MYO3A: variants seen among roughly 807,000 people sequenced by gnomAD.
The protein encoded by MYO3A is myosin IIIA.
MYO3A carries 180 observed loss-of-function variants against 192.7 expected under a neutral mutation model. The observed-to-expected ratio is 0.93, with a 90% CI of 0.83 to 1.06. MYO3A has a LOEUF of 1.06. Among genes scored for constraint, MYO3A ranks in the 50% least tolerant of loss-of-function variants. The pLI, the probability that MYO3A is intolerant of heterozygous loss-of-function variation, is 0.00. For missense variants in MYO3A, 1,896 were observed against 1,905.0 expected, an observed-to-expected ratio of 1.00 and a Z score of 0.09; for synonymous variants, 628 against 645.3, an observed-to-expected ratio of 0.97 and a Z score of 0.41.
intron 10 of MYO3A, among the ~76,000 whole-genome samples, chr10:26,049,517 A>G (rs1394040008): frequency 6.6e-6 from 1 of 152,160 alleles, no homozygotes; most frequent in East Asian, 1.9e-4. Context: ...GATGATACAT[A>G]TGAGAGGGGA....
At chr10:26,078,130 C>CTTTTTTTTTTTTTTTT (rs57336459) in intron 14 of MYO3A, among the ~76,000 whole-genome samples, 32 of 122,274 alleles carry the variant, frequency 2.6e-4, no homozygotes, top group Non-Finnish European at 4.2e-4. Context: ...TGGTCCTGGA[C>CTTTTTTTTTTTTTTTT]TTTTTTTTTT....
intron 4 of MYO3A, among the ~76,000 whole-genome samples, chr10:25,982,440 C>T (rs1421366801): frequency 6.6e-6 from 1 of 152,178 alleles, no homozygotes; most frequent in Non-Finnish European, 1.5e-5. Flanking sequence ...CTCTATAGGA[C>T]TGCAGCTGAT....
intron 30 of MYO3A, among the ~76,000 whole-genome samples, chr10:26,176,293 C>CAA (rs901523063): frequency 2.2e-4 from 21 of 93,412 alleles, no homozygotes; most frequent in African/African-American, 5.2e-4. Context: ...GACTCCGTCT[C>CAA]AAAAAAAAAA....
At chr10:26,178,735 C>G (rs1395012692) in intron 31 of MYO3A, among the ~76,000 whole-genome samples, 1 of 152,082 alleles carries the variant, frequency 6.6e-6, no homozygotes, top group East Asian at 1.9e-4. Flanking sequence ...ATTATATTAA[C>G]TGAACACTTC....
intron 9 of MYO3A, 92 bp downstream of exon 9, chr10:26,024,179 C>T (rs1842440090): frequency 8.3e-7 from 1 of 1,207,254 alleles, no homozygotes; most frequent in Non-Finnish European, 1.2e-6. Flanking sequence ...TAAACAGCCC[C>T]AGAGATTTCT....
intron 7 of MYO3A, 76 bp from the exon 8 acceptor site, chr10:26,021,427 G>A (rs1242904117): frequency 2.0e-6 from 3 of 1,519,672 alleles, no homozygotes; most frequent in Non-Finnish European, 1.8e-6. Flanking sequence ...AATACTTAAT[G>A]CTTTGTTCTA....
intron 17 of MYO3A, among the ~76,000 whole-genome samples, chr10:26,114,255 G>A (rs1478782428): frequency 1.3e-5 from 2 of 152,132 alleles, no homozygotes; most frequent in African/African-American, 4.8e-5. Flanking sequence ...TCTGGTCATT[G>A]TTCTCTCTCC....
Position 26,068,758 on chromosome 10 carries a change from T to C in MYO3A, c.1054-10T>C. On this transcript the variant is annotated splice_polypyrimidine_tract_variant and intron_variant, in intron 11 of 34. Transcript: ENST00000642920. ...TTTTAAGAAGGAGAAATTATTTTAT[T>C]TTATTGCAGAATACAGTCTCAGAGC... 5.3e-6 allele frequency: 8 copies of C among 1,498,530 alleles called. No individual in the cohort carries two copies. Among genetic ancestry groups the C allele is most frequent in the Non-Finnish European group, 7.4e-6 (8 of 1,077,154 alleles). 92.8% of individuals were successfully genotyped at this position (1,498,530 alleles called of 1,614,324 possible). A position where few individuals can be genotyped will look rare whatever the true frequency, so the allele number is the denominator to read the frequency against.
intron 10 of MYO3A, among the ~76,000 whole-genome samples, chr10:26,056,642 G>A (rs1033619064): frequency 2.0e-5 from 3 of 152,040 alleles, no homozygotes; most frequent in Admixed American, 6.6e-5. Flanking sequence ...TCAGGGGATG[G>A]CATTATTACT....
Position 26,167,880 on chromosome 10 carries a change from G to A in MYO3A, c.3112-832G>A, listed in dbSNP as rs180812321. 9.2e-5 allele frequency among the ~76,000 whole-genome samples: 14 copies of A among 152,300 alleles called. No homozygotes were observed. The East Asian group carries it at 2.5e-3, about 27-fold the overall frequency. On this transcript the variant is annotated intron_variant, in intron 27 of 34. Transcript: ENST00000642920. ...CATGACTCAGCCATAAAATTTGAAT[G>A]TAAGTGACTTTCTTGAAGGATTCAA... is the stretch of plus-strand genomic sequence containing the variant.
chr10:26,136,283 T>C, intron 20 of MYO3A, among the ~76,000 whole-genome samples: 1 of 152,174 alleles, frequency 6.6e-6, no homozygotes, highest in East Asian at 1.9e-4. Context: ...CAGGAGAATA[T>C]TGAGGGTCAT....
At chr10:26,136,995 G>A (rs1157728338) in intron 20 of MYO3A, among the ~76,000 whole-genome samples, 1 of 151,472 alleles carries the variant, frequency 6.6e-6, no homozygotes, top group Non-Finnish European at 1.5e-5. Context: ...TCCAGCCTGG[G>A]CCACGGAGCA....
At chr10:26,184,338 C>T (rs1842763758) in intron 31 of MYO3A, among the ~76,000 whole-genome samples, 1 of 152,146 alleles carries the variant, frequency 6.6e-6, no homozygotes, top group Admixed American at 6.5e-5. Context: ...CCATAGATCA[C>T]TCTATTGCTT....
intron 14 of MYO3A, among the ~76,000 whole-genome samples, chr10:26,074,799 C>CA (rs1403868836): frequency 6.6e-6 from 1 of 151,536 alleles, no homozygotes; most frequent in Non-Finnish European, 1.5e-5. Context: ...ATGTGATATC[C>CA]AAAAAATCAT....
chr10:26,104,566 A>T (rs1043614207), intron 17 of MYO3A, among the ~76,000 whole-genome samples: 1 of 152,126 alleles, frequency 6.6e-6, no homozygotes, highest in Non-Finnish European at 1.5e-5. Flanking sequence ...ATCACACATG[A>T]GTATCGCAGC....
At chr10:26,205,608 CTTTTTTTTTTTT>C (rs576007724) in intron 34 of MYO3A, among the ~76,000 whole-genome samples, 7 of 68,630 alleles carry the variant, frequency 1.0e-4, no homozygotes, top group Non-Finnish European at 1.9e-4. Context: ...CTTTTCTTTT[CTTTTTTTTTTTT>C]TTTTTTTTTT....
rs138235800 is a variant in MYO3A at position 26,038,593 on chromosome 10, G to T, written c.953+12061G>T. Among the ~76,000 whole-genome samples the T allele has an allele frequency of 6.0e-3, 915 of 152,266 alleles. 3 individuals carry two copies. The highest frequency in any genetic ancestry group is 9.4e-3 in the Non-Finnish European group (641 of 68,002). ...GTTCTAATAGTTTTCTTGTGGAGTT[G>T]TTTAGGTTTTTTCAAGTATACCGTC... is the stretch of plus-strand genomic sequence containing the variant. On this transcript the variant is annotated intron_variant, in intron 10 of 34. Transcript: ENST00000642920.
At chr10:26,145,080 G>A (rs1221042222) in intron 21 of MYO3A, among the ~76,000 whole-genome samples, 1 of 151,778 alleles carries the variant, frequency 6.6e-6, no homozygotes, top group African/African-American at 2.4e-5. Context: ...TTGGGAGGCT[G>A]AGGCAGGAGA....
At chr10:26,138,023 G>T (rs760590290) in intron 20 of MYO3A, among the ~76,000 whole-genome samples, 2 of 152,168 alleles carry the variant, frequency 1.3e-5, no homozygotes, top group African/African-American at 2.4e-5. Context: ...ACCCTTATCA[G>T]GAGTTTCTGA....
Sources: gnomAD v4.1 joint callset for allele counts (sites outside exome capture counted in the v4.1 genomes callset) on GRCh38, gnomAD v4.1.1 for gene constraint, MANE v1.5 for transcripts, NCBI Gene and HGNC (gene_info 2026-07-23, HGNC 2026-07-21) for gene names.